Variants in CNTLN observed in about 807,000 individuals in gnomAD.
CNTLN encodes the protein centlein, centrosomal protein.
CNTLN carries 212 observed loss-of-function variants against 180.0 expected under a neutral mutation model. The ratio of observed to expected loss-of-function variants is 1.18; its 90% CI spans 1.05 to 1.32. CNTLN has a LOEUF of 1.32. CNTLN is among the 40% of genes most tolerant of loss of function. The pLI, the probability that CNTLN is intolerant of heterozygous loss-of-function variation, is 0.00. For missense variants in CNTLN, 2,095 were observed against 1,610.9 expected, an observed-to-expected ratio of 1.30 and a Z score of -5.14; for synonymous variants, 722 against 563.1, an observed-to-expected ratio of 1.28 and a Z score of -3.99.
intron 6 of CNTLN, among the ~76,000 whole-genome samples, chr9:17,295,120 T>G (rs1387812732): frequency 6.6e-6 from 1 of 150,978 alleles, no homozygotes; most frequent in Non-Finnish European, 1.5e-5. Context: ...GGCTGGCCGC[T>G]CTGAGTGCGG....
intron 5 of CNTLN, 49 bp from the exon 6 acceptor site, chr9:17,273,684 A>C (rs565879338): frequency 4.2e-6 from 4 of 944,004 alleles, no homozygotes; most frequent in Non-Finnish European, 6.1e-6. Context: ...GTTTTGTTAC[A>C]TGTAGTATTT....
intron 12 of CNTLN, among the ~76,000 whole-genome samples, chr9:17,359,083 A>G (rs1055380914): frequency 5.3e-5 from 8 of 151,422 alleles, no homozygotes; most frequent in African/African-American, 1.9e-4. Flanking sequence ...CAGTGGCACA[A>G]TCTCAGCTTG....
chr9:17,370,221 A>G (rs980312499), intron 13 of CNTLN, among the ~76,000 whole-genome samples: 2 of 152,202 alleles, frequency 1.3e-5, no homozygotes, highest in Non-Finnish European at 2.9e-5. Flanking sequence ...TAGAACACCA[A>G]GCAGGTTTAA....
intron 8 of CNTLN, among the ~76,000 whole-genome samples, chr9:17,329,205 A>T (rs1820487511): frequency 6.6e-6 from 1 of 152,088 alleles, no homozygotes; most frequent in Non-Finnish European, 1.5e-5. Flanking sequence ...ATAGGATGTT[A>T]ATATAACATT....
chr9:17,476,298 C>T (rs1168575118), intron 23 of CNTLN, among the ~76,000 whole-genome samples: 1 of 152,170 alleles, frequency 6.6e-6, no homozygotes, highest in East Asian at 1.9e-4. Flanking sequence ...CCCTGAGCCT[C>T]CTACTTCCTG....
intron 5 of CNTLN, among the ~76,000 whole-genome samples, chr9:17,267,050 T>A (rs1345001741): frequency 6.6e-6 from 1 of 152,180 alleles, no homozygotes; most frequent in African/African-American, 2.4e-5. Context: ...TTAAAGTTAA[T>A]GTTGTTATGT....
chr9:17,485,359 A>C (rs1454022399), intron 24 of CNTLN, among the ~76,000 whole-genome samples: 1 of 152,114 alleles, frequency 6.6e-6, no homozygotes, highest in Non-Finnish European at 1.5e-5. Flanking sequence ...TTTTTGAACT[A>C]CCAAGAATCC....
intron 8 of CNTLN, among the ~76,000 whole-genome samples, chr9:17,328,433 G>C (rs929225648): frequency 2.0e-5 from 3 of 152,130 alleles, no homozygotes; most frequent in East Asian, 1.9e-4. Context: ...ATTCTTCCCT[G>C]AAAACAATTG....
rs368695301 is a variant in CNTLN, at chr9:17,141,353, CAG to C, written c.361-1934_361-1933del. ...GGGTTTTGGTGGCTGTGATAGTAGT[CAG>C]GGGAGAATTCACTTGAGATATTATT... is the stretch of plus-strand genomic sequence containing the variant. On this transcript the variant is annotated intron_variant, in intron 1 of 25. Coordinates refer to ENST00000380647, the MANE Select transcript of CNTLN (RefSeq NM_017738.4). Among the ~76,000 whole-genome samples, 836 of 152,046 alleles carry C rather than the reference CAG, an allele frequency of 5.5e-3. 6 individuals are homozygous for C. Among genetic ancestry groups the C allele is most frequent in the Admixed American group, 8.1e-3 (123 of 15,264 alleles).
intron 8 of CNTLN, among the ~76,000 whole-genome samples, chr9:17,318,950 A>G (rs1819722530): frequency 6.6e-6 from 1 of 152,200 alleles, no homozygotes; most frequent in Non-Finnish European, 1.5e-5. Flanking sequence ...AGGGGATACG[A>G]AACTGAACAA....
In CNTLN at chr9:17,135,305, C is replaced by T. The variant is rs1349497367; in HGVS notation, c.240C>T (p.Leu80=). The stretch of plus-strand genomic sequence containing the variant: ...CAGCTCCGGCTCATGCTCCCCTCCT[C>T]AGCGCGCCCATGGGGTCCAGACGGC... ...GGAAPAHAPL[L]SAPMGSRRLE... Residue 80 remains leucine, a synonymous_variant, in exon 1 of 26, where the codon CTC becomes CTT. Coordinates refer to ENST00000380647, the MANE Select transcript of CNTLN (RefSeq NM_017738.4). 2 of 1,601,224 alleles carry T rather than the reference C, an allele frequency of 1.2e-6. No individual in the cohort carries two copies. The highest frequency in any genetic ancestry group is 2.7e-5 in the African/African-American group (2 of 74,864).
intron 5 of CNTLN, among the ~76,000 whole-genome samples, chr9:17,251,990 T>A (rs1826172016): frequency 6.6e-6 from 1 of 151,892 alleles, no homozygotes; most frequent in African/African-American, 2.4e-5. Context: ...ATATGCAGTA[T>A]TTGTCTTTCT....
At chr9:17,172,034 T>C (rs1431677371) in intron 2 of CNTLN, among the ~76,000 whole-genome samples, 1 of 152,100 alleles carries the variant, frequency 6.6e-6, no homozygotes, top group Admixed American at 6.6e-5. Flanking sequence ...GGATCGGCCA[T>C]TGAGCTGGGG....
intron 2 of CNTLN, among the ~76,000 whole-genome samples, chr9:17,219,307 A>G (rs577188311): frequency 6.6e-6 from 1 of 151,150 alleles, no homozygotes; most frequent in South Asian, 2.1e-4. Flanking sequence ...TATTAATTGA[A>G]TTGACCAGAT....
Position 17,409,287 on chromosome 9 carries a change from A to G in CNTLN, c.2616-6A>G. ...GGATTTTATGTCCCTACTTTTTTCTAAAAAGCAGTGATTCTGAAGCACAGA... is the reference window on the plus strand; with the variant it reads ...GGATTTTATGTCCCTACTTTTTTCTGAAAAGCAGTGATTCTGAAGCACAGA... On this transcript the variant is annotated splice_polypyrimidine_tract_variant and splice_region_variant and intron_variant, in intron 15 of 25. Coordinates refer to ENST00000380647, the MANE Select transcript of CNTLN (RefSeq NM_017738.4). 2.5e-6 allele frequency: 4 copies of G among 1,602,412 alleles called. No individual in the cohort carries two copies. The highest frequency in any genetic ancestry group is 3.4e-6 in the Non-Finnish European group (4 of 1,176,994).
intron 8 of CNTLN, among the ~76,000 whole-genome samples, chr9:17,325,912 T>C (rs556437904): frequency 1.6e-3 from 242 of 152,236 alleles, no homozygotes; most frequent in Admixed American, 2.8e-3. Flanking sequence ...AACAATTTTC[T>C]ATGTATTAGG....
intron 2 of CNTLN, among the ~76,000 whole-genome samples, chr9:17,147,877 G>T (rs939969771): frequency 2.0e-5 from 3 of 152,104 alleles, no homozygotes; most frequent in African/African-American, 7.2e-5. Flanking sequence ...TGTATTATTG[G>T]TTTCAACCGG....
intron 21 of CNTLN, 56 bp downstream of exon 21, chr9:17,464,679 C>T (rs886993786): frequency 3.7e-6 from 4 of 1,076,112 alleles, no homozygotes; most frequent in Non-Finnish European, 5.2e-6. Context: ...TGTAATTACT[C>T]TCTTACCACA....
intron 12 of CNTLN, among the ~76,000 whole-genome samples, chr9:17,348,778 C>A (rs1042436123): frequency 6.6e-6 from 1 of 152,116 alleles, no homozygotes; most frequent in East Asian, 1.9e-4. Flanking sequence ...AATCCACTTG[C>A]CTTGGCCTCC....
Sources: gnomAD v4.1 joint callset for allele counts (sites outside exome capture counted in the v4.1 genomes callset) on GRCh38, gnomAD v4.1.1 for gene constraint, MANE v1.5 for transcripts, NCBI Gene and HGNC (gene_info 2026-07-23, HGNC 2026-07-21) for gene names.